HABP4: variants seen among roughly 807,000 people sequenced by gnomAD.
HABP4 encodes the protein hyaluronan binding protein 4.
A neutral mutation model predicts 44.1 loss-of-function variants in HABP4; 32 were observed. The observed-to-expected ratio is 0.73, with a 90% CI of 0.55 to 0.97. The LOEUF (loss-of-function observed/expected upper bound fraction) is 0.97. Among genes scored for constraint, HABP4 ranks in the 50% least tolerant of loss-of-function variants. The pLI is 0.00. For missense variants in HABP4, 503 were observed against 561.9 expected (o/e 0.90, Z 1.06); for synonymous variants, 216 against 218.0 (o/e 0.99, Z 0.08).
intron 2 of HABP4, 31 bp downstream of exon 2, chr9:96,458,572 G>A (rs1321665099): frequency 3.3e-6 from 5 of 1,502,756 alleles, no homozygotes; most frequent in Non-Finnish European, 4.6e-6. Context: ...CAGGGCGGGT[G>A]GGGAACCAGA....
chr9:96,450,585 C>G lies in HABP4; in HGVS notation c.306C>G (p.Val102=), dbSNP rs1832253077. 1 of 1,283,430 alleles carries G rather than the reference C, an allele frequency of 7.8e-7. No individual in the cohort carries two copies. The highest frequency in any genetic ancestry group is 1.5e-5 in the African/African-American group (1 of 64,868). The allele number at this position is 1,283,430 out of a possible 1,614,324, so 79.5% of individuals were successfully genotyped here. A position where few individuals can be genotyped will look rare whatever the true frequency, so the allele number is the denominator to read the frequency against. ...AGCGCAAGAGCCTCCCGGCGCCCGT[C>G]GCTCAGCGGCCCGATAGCCCCGGGG... is the stretch of plus-strand genomic sequence containing the variant. The part of the protein sequence containing the change: ...QKERKSLPAP[V]AQRPDSPGGG... The change falls in exon 1 of 8, where the codon GTC becomes GTG. Residue 102 remains valine (V), a synonymous_variant. Transcript: ENST00000375249. The surrounding 1 kb of genome is among the most constrained non-coding windows in gnomAD (Gnocchi z 4.8).
chr9:96,484,315 G>T, intron 5 of HABP4, 147 bp from the exon 6 acceptor site: 3 of 547,416 alleles, frequency 5.5e-6, no homozygotes, highest in Non-Finnish European at 9.7e-6. Context: ...ATGGAAGCTT[G>T]TGAGTCAAAG....
chr9:96,464,326 G>A (rs541364087), intron 2 of HABP4, among the ~76,000 whole-genome samples: 2 of 152,300 alleles, frequency 1.3e-5, no homozygotes, highest in South Asian at 2.1e-4. Context: ...GGCATGAGCC[G>A]AGATCCTGCC....
intron 1 of HABP4, chr9:96,451,343 C>G (rs1173661476): frequency 8.7e-6 from 2 of 228,594 alleles, no homozygotes; most frequent in Non-Finnish European, 1.4e-5. Flanking sequence ...GCAAGAAAAA[C>G]CGGTGCGCAG....
intron 2 of HABP4, 80 bp downstream of exon 2, chr9:96,458,621 T>C: frequency 2.0e-6 from 2 of 979,056 alleles, no homozygotes; most frequent in South Asian, 3.2e-5. Flanking sequence ...TTCTTTTCTT[T>C]CTTTCTTTTT....
chr9:96,464,456 A>G (rs1832562567), intron 2 of HABP4, among the ~76,000 whole-genome samples: 1 of 152,238 alleles, frequency 6.6e-6, no homozygotes, highest in South Asian at 2.1e-4. Context: ...GGGTATCCGT[A>G]TAGAGCACCA....
chr9:96,474,405 T>C (rs1231702167), intron 5 of HABP4, among the ~76,000 whole-genome samples: 1 of 152,222 alleles, frequency 6.6e-6, no homozygotes, highest in African/African-American at 2.4e-5. Context: ...AATTATAGTA[T>C]TGTTCTAATC....
At chr9:96,463,168 A>G (rs1587676141) in intron 2 of HABP4, among the ~76,000 whole-genome samples, 1 of 151,612 alleles carries the variant, frequency 6.6e-6, no homozygotes, top group Admixed American at 6.6e-5. Context: ...CTAGTCTCGA[A>G]CTCCTGGGCC....
In HABP4 at chr9:96,465,733, T is replaced by C. The variant is rs762154094; in HGVS notation, c.698T>C (p.Met233Thr). 5.0e-6 allele frequency: 8 copies of C among 1,604,216 alleles called. No individual in the cohort carries two copies. The highest frequency in any genetic ancestry group is 2.2e-5 in the East Asian group (1 of 44,846). Reference sequence around the variant, plus strand: ...AGAGCAGTCAGAACTGAAGACAACATGGGTGGATGTGGAGTTCGAACCTGG... The same window carrying C: ...AGAGCAGTCAGAACTGAAGACAACACGGGTGGATGTGGAGTTCGAACCTGG... ...DKIAVRTEDN[M>T]GGCGVRTWGS... The change falls in exon 4 of 8, where the codon ATG becomes ACG. Residue 233 changes from methionine (M) to threonine (T), a missense_variant. Coordinates refer to ENST00000375249, the MANE Select transcript of HABP4 (RefSeq NM_014282.4).
At chr9:96,456,057 A>T (rs904994299) in intron 1 of HABP4, among the ~76,000 whole-genome samples, 4 of 152,168 alleles carry the variant, frequency 2.6e-5, no homozygotes, top group Non-Finnish European at 5.9e-5. Flanking sequence ...TCTGTCTCAA[A>T]AAATAAATAA....
At chr9:96,481,649 A>G (rs1587687243) in intron 5 of HABP4, among the ~76,000 whole-genome samples, 1 of 151,808 alleles carries the variant, frequency 6.6e-6, no homozygotes, top group East Asian at 2.0e-4. Context: ...CAGGAAGCTG[A>G]GGTGGGAGGA....
intron 4 of HABP4, 148 bp downstream of exon 4, chr9:96,465,926 G>C (rs1399515280): frequency 1.7e-6 from 1 of 594,360 alleles, no homozygotes; most frequent in Non-Finnish European, 3.1e-6. Flanking sequence ...TGTTTCGTGA[G>C]ATAAGTTTTT....
At chr9:96,451,438 A>G (rs1004004428) in intron 1 of HABP4, 35 of 983,184 alleles carry the variant, frequency 3.6e-5, no homozygotes, top group African/African-American at 1.6e-4. Context: ...AGCCAGCAAC[A>G]CTCCACCTGT....
At chr9:96,481,104 A>G (rs1268573841) in intron 5 of HABP4, among the ~76,000 whole-genome samples, 1 of 151,984 alleles carries the variant, frequency 6.6e-6, no homozygotes, top group Non-Finnish European at 1.5e-5. Context: ...TTTGTTTTGG[A>G]GAAAGAGTCT....
intron 1 of HABP4, among the ~76,000 whole-genome samples, chr9:96,451,115 G>A (rs1033799195): frequency 2.6e-5 from 4 of 152,234 alleles, no homozygotes; most frequent in South Asian, 2.1e-4. Context: ...GGGGCGGCCT[G>A]TGACGTCGGG....
intron 6 of HABP4, among the ~76,000 whole-genome samples, chr9:96,485,156 G>A (rs542976588): frequency 6.6e-6 from 1 of 152,046 alleles, no homozygotes; most frequent in Non-Finnish European, 1.5e-5. Flanking sequence ...GGGTTCAAGC[G>A]ATTCTCGTGC....
At chr9:96,477,340 A>G (rs188197181) in intron 5 of HABP4, among the ~76,000 whole-genome samples, 1 of 152,266 alleles carries the variant, frequency 6.6e-6, no homozygotes, top group Admixed American at 6.5e-5. Flanking sequence ...ATTATGGAAA[A>G]TTATACAAAT....
chr9:96,486,293 A>T (rs1409988638), intron 6 of HABP4, among the ~76,000 whole-genome samples: 1 of 152,234 alleles, frequency 6.6e-6, no homozygotes. Flanking sequence ...GTTCCACAAG[A>T]AATGGCTTTT....
At chr9:96,458,623 T>A (rs902558659) in intron 2 of HABP4, 82 bp downstream of exon 2, 6 of 949,616 alleles carry the variant, frequency 6.3e-6, no homozygotes, top group East Asian at 2.6e-5. Context: ...CTTTTCTTTC[T>A]TTCTTTTTTT....
Sources: allele counts gnomAD v4.1 joint callset (sites outside exome capture counted in the v4.1 genomes callset), GRCh38; gene constraint gnomAD v4.1.1; non-coding constraint Gnocchi (gnomAD v3.1); transcripts MANE v1.5; gene names NCBI Gene and HGNC (gene_info 2026-07-23, HGNC 2026-07-21).